Variants in LDLRAD4 observed in about 807,000 individuals in gnomAD.
The protein encoded by LDLRAD4 is low density lipoprotein receptor class A domain containing 4, also known as low-density lipoprotein receptor class A domain-containing protein 4.
A neutral mutation model predicts 17.0 loss-of-function variants in LDLRAD4; 5 were observed. The observed-to-expected ratio is 0.29, with a 90% confidence interval of 0.15 to 0.62. LDLRAD4 has a LOEUF of 0.62. Among genes scored for constraint, LDLRAD4 ranks in the 20% least tolerant of loss-of-function variants. The pLI, the probability that LDLRAD4 is intolerant of heterozygous loss-of-function variation, is 0.84. For missense variants in LDLRAD4, 340 were observed against 424.7 expected (o/e 0.80, Z 1.75); for synonymous variants, 168 against 171.8 (o/e 0.98, Z 0.17).
Position 13,645,440 on chromosome 18 carries a change from C to A in LDLRAD4, c.704C>A (p.Ser235Ter). The change falls in exon 6 of 6, where the codon TCG (serine) becomes TAG (stop). Residue 235 changes from serine (S) to a stop codon, truncating the protein, a stop_gained. Coordinates refer to ENST00000359446, the Ensembl canonical transcript of LDLRAD4. LOFTEE classifies it high-confidence loss of function. This position sits in a 1 kb window ranked among gnomAD's most constrained non-coding sequence, Gnocchi z 5.7. ...GGTCCATGCCCACCCAGCAGCAACT[C>A]GGGCATCAGTGCAAGCACCTGCAGC... The A allele has an allele frequency of 6.2e-7, 1 of 1,614,014 alleles. No individual in the cohort carries two copies. The highest frequency in any genetic ancestry group is 8.5e-7 in the Non-Finnish European group (1 of 1,179,978).
chr18:13,245,549 A>G (rs2042914798), intron 1 of LDLRAD4, among the ~76,000 whole-genome samples: 1 of 152,172 alleles, frequency 6.6e-6, no homozygotes, highest in African/African-American at 2.4e-5. Flanking sequence ...CCAAGTCAGA[A>G]GGCTCAGGGC....
At chr18:13,536,832 G>C (rs2094207059) in intron 3 of LDLRAD4, among the ~76,000 whole-genome samples, 1 of 152,086 alleles carries the variant, frequency 6.6e-6, no homozygotes, top group Admixed American at 6.5e-5. Context: ...TTTACAATAA[G>C]TAAATGTTGA....
chr18:13,243,025 C>A (rs1012219207), intron 1 of LDLRAD4, among the ~76,000 whole-genome samples: 1 of 152,244 alleles, frequency 6.6e-6, no homozygotes, highest in African/African-American at 2.4e-5. Flanking sequence ...GCCTTCATTT[C>A]CACATCTCAG....
At chr18:13,522,274 C>T (rs1202899097) in intron 3 of LDLRAD4, 7 of 152,164 alleles carry the variant, frequency 4.6e-5, no homozygotes, top group African/African-American at 1.4e-4. Context: ...ACCTCTCCTC[C>T]TGCTATCCAG....
intron 1 of LDLRAD4, among the ~76,000 whole-genome samples, chr18:13,309,293 C>T (rs915090864): frequency 4.6e-5 from 7 of 152,112 alleles, no homozygotes; most frequent in Non-Finnish European, 7.4e-5. Flanking sequence ...AGTGGCTTCG[C>T]GTACTGGTAA....
At chr18:13,612,715 A>G (rs2039709524) in intron 3 of LDLRAD4, 1 of 1,613,480 alleles carries the variant, frequency 6.2e-7, no homozygotes, top group African/African-American at 1.3e-5. Flanking sequence ...ATGTCCAGTG[A>G]CCACCTGAAC....
Position 13,387,378 on chromosome 18 carries a change from A to T in LDLRAD4, c.-345A>T. 4.2e-6 allele frequency: 1 copy of T among 239,954 alleles called. No homozygotes were observed. The highest frequency in any genetic ancestry group is 7.9e-6 in the Non-Finnish European group (1 of 126,194). The allele number at this position is 239,954 out of a possible 1,614,324, so 14.9% of individuals were successfully genotyped here. A position where few individuals can be genotyped will look rare whatever the true frequency, so the allele number is the denominator to read the frequency against. On this transcript the variant is annotated 5_prime_UTR_variant, in exon 2 of 6. The change creates a new upstream start codon in the 5' untranslated region. Transcript: ENST00000359446. ...AGCACAGAGAGCTGCGGCTGGGACAAGGAGCACCCGCGTGCAGGTGCGACC... is the reference window on the plus strand; with the variant it reads ...AGCACAGAGAGCTGCGGCTGGGACATGGAGCACCCGCGTGCAGGTGCGACC...
chr18:13,447,577 A>G (rs1168738401), intron 3 of LDLRAD4, among the ~76,000 whole-genome samples: 2 of 152,218 alleles, frequency 1.3e-5, no homozygotes, highest in Non-Finnish European at 2.9e-5. Context: ...TGATTCTGTT[A>G]CTGCTTTCAT....
intron 1 of LDLRAD4, among the ~76,000 whole-genome samples, chr18:13,380,528 T>A (rs1456051590): frequency 6.6e-6 from 1 of 152,186 alleles, no homozygotes; most frequent in East Asian, 1.9e-4. Flanking sequence ...ATATGACTCC[T>A]TGCGGCTTCC....
chr18:13,515,198 C>T (rs118058351), intron 3 of LDLRAD4: 4,112 of 152,328 alleles, frequency 0.027, 64 homozygotes, highest in Non-Finnish European at 0.039. Context: ...TTGTGCACAA[C>T]ACTGGCGTGC....
In LDLRAD4 at chr18:13,287,718, T is replaced by C. The variant is rs555205629; in HGVS notation, c.-383+9530T>C. Among the ~76,000 whole-genome samples, 16 of 152,326 alleles carry C rather than the reference T, an allele frequency of 1.1e-4. No individual in the cohort carries two copies. In the South Asian group the frequency reaches 2.3e-3, roughly 22 times the overall value. ...GGATGGATGGAGAGAGAAACACTTA[T>C]TATGAGGATTGGATTTAGTCCCAAT... On this transcript the variant is annotated intron_variant, in intron 1 of 5. Coordinates refer to ENST00000359446, the Ensembl canonical transcript of LDLRAD4.
intron 3 of LDLRAD4, chr18:13,613,723 G>T (rs1180143619): frequency 1.3e-5 from 2 of 152,214 alleles, no homozygotes; most frequent in Admixed American, 6.5e-5. Flanking sequence ...GGCTCGTGGA[G>T]TCTGCATTCG....
chr18:13,322,304 TTTTTTTTG>T (rs1599395827), intron 1 of LDLRAD4, among the ~76,000 whole-genome samples: 1 of 144,500 alleles, frequency 6.9e-6, no homozygotes, highest in Non-Finnish European at 1.5e-5. Context: ...TTTTTTTTTT[TTTTTTTTG>T]GTTTTGAGAC....
Position 13,398,675 on chromosome 18 carries a change from G to T in LDLRAD4, c.40+10913G>T, listed in dbSNP as rs1249145385. 6.6e-6 allele frequency among the ~76,000 whole-genome samples: 1 copy of T among 152,150 alleles called. No homozygotes were observed. Among genetic ancestry groups the T allele is most frequent in the Non-Finnish European group, 1.5e-5 (1 of 68,034 alleles). On this transcript the variant is annotated intron_variant, in intron 2 of 5. Transcript: ENST00000359446. The surrounding 1 kb of genome is among the most constrained non-coding windows in gnomAD (Gnocchi z 4.8). ...ATGTAGTGATCAATGCTCTGTTGATGTGGGTTTGGCGCTCACAGAGAGGAT... is the reference window on the plus strand; with the variant it reads ...ATGTAGTGATCAATGCTCTGTTGATTTGGGTTTGGCGCTCACAGAGAGGAT...
upstream of LDLRAD4, among the ~76,000 whole-genome samples, chr18:13,276,782 G>T (rs2044900069): frequency 1.3e-5 from 2 of 152,130 alleles, no homozygotes; most frequent in East Asian, 1.9e-4. Context: ...TATTCGGTTG[G>T]GTAGAAGCCA....
intron 1 of LDLRAD4, among the ~76,000 whole-genome samples, chr18:13,348,764 A>C (rs1449838271): frequency 2.0e-5 from 3 of 152,192 alleles, no homozygotes; most frequent in Admixed American, 6.5e-5. Context: ...CTCAAGCCTC[A>C]GCAATGGCGG....
intron 3 of LDLRAD4, among the ~76,000 whole-genome samples, chr18:13,595,352 A>G (rs1344468085): frequency 2.0e-5 from 3 of 152,204 alleles, no homozygotes; most frequent in African/African-American, 7.2e-5. Context: ...TTTTACAGCT[A>G]TAAATTTCCT....
At chr18:13,224,474 C>CG (rs1190188385) in intron 1 of LDLRAD4, among the ~76,000 whole-genome samples, 11 of 87,880 alleles carry the variant, frequency 1.3e-4, no homozygotes, top group African/African-American at 4.6e-4. Context: ...TTCTTTCTTT[C>CG]TTTTTTTTTT....
intron 2 of LDLRAD4, among the ~76,000 whole-genome samples, chr18:13,394,921 TG>T (rs1162100101): frequency 6.6e-6 from 1 of 152,244 alleles, no homozygotes; most frequent in Non-Finnish European, 1.5e-5. Flanking sequence ...CTTCCATACG[TG>T]GCCTCTTGTA....
Sources: allele counts gnomAD v4.1 joint callset (sites outside exome capture counted in the v4.1 genomes callset), GRCh38; gene constraint gnomAD v4.1.1; non-coding constraint Gnocchi (gnomAD v3.1); transcripts MANE v1.5; gene names NCBI Gene and HGNC (gene_info 2026-07-23, HGNC 2026-07-21).